The following SPAG16 variants were observed in gnomAD, a reference collection of about 807,000 sequenced individuals.
The protein encoded by SPAG16 is sperm associated antigen 16, also known as sperm-associated antigen 16 protein.
A neutral mutation model predicts 80.4 loss-of-function variants in SPAG16; 86 were observed. The observed-to-expected ratio is 1.07, with a 90% confidence interval of 0.90 to 1.28. The LOEUF is 1.28. SPAG16 is among the 50% of genes most tolerant of loss of function. The pLI is 0.00. For missense variants in SPAG16, 870 were observed against 765.3 expected (o/e 1.14, Z -1.61); for synonymous variants, 294 against 265.9 (o/e 1.11, Z -1.03).
chr2:213,739,113 A>G (rs1032001349), intron 10 of SPAG16, among the ~76,000 whole-genome samples: 2 of 152,216 alleles, frequency 1.3e-5, no homozygotes, highest in African/African-American at 4.8e-5. Flanking sequence ...TTGCTCATCT[A>G]ATATTTGCTC....
intron 12 of SPAG16, among the ~76,000 whole-genome samples, chr2:214,003,713 T>C (rs2046899959): frequency 6.6e-6 from 1 of 152,230 alleles, no homozygotes; most frequent in Admixed American, 6.5e-5. Flanking sequence ...ACCTGCATTG[T>C]TTTGTGTATG....
intron 15 of SPAG16, among the ~76,000 whole-genome samples, chr2:214,271,852 CAA>C (rs145432073): frequency 3.6e-5 from 5 of 140,636 alleles, no homozygotes; most frequent in East Asian, 2.3e-4. Flanking sequence ...ACCCCCCCCC[CAA>C]AAAAAAAGAA....
intron 15 of SPAG16, among the ~76,000 whole-genome samples, chr2:214,383,846 A>G (rs1700600410): frequency 6.6e-6 from 1 of 152,194 alleles, no homozygotes; most frequent in African/African-American, 2.4e-5. Context: ...TGGCTATTGT[A>G]TACATTATTG....
chr2:213,377,317 G>A lies in SPAG16; in HGVS notation c.942+2198G>A, dbSNP rs996230558. Among the ~76,000 whole-genome samples the A allele has an allele frequency of 4.6e-5, 7 of 152,300 alleles. No individual in the cohort carries two copies. The South Asian group carries it at 1.2e-3, about 27-fold the overall frequency. ...TTTTGAACAACTAGAACAGTGAGGT[G>A]TAATCATAATAACAACTTTATTTAT... On this transcript the variant is annotated intron_variant, in intron 9 of 15. Transcript: ENST00000331683.
chr2:213,300,170 G>A (rs1236196423), intron 3 of SPAG16, among the ~76,000 whole-genome samples: 2 of 152,020 alleles, frequency 1.3e-5, no homozygotes, highest in African/African-American at 4.8e-5. Flanking sequence ...CTTTAAATAT[G>A]ACAGTAGCAA....
chr2:213,301,640 TG>T (rs1490544337), intron 3 of SPAG16, among the ~76,000 whole-genome samples: 1 of 152,158 alleles, frequency 6.6e-6, no homozygotes, highest in Non-Finnish European at 1.5e-5. Context: ...AGCTACAGCA[TG>T]CTGCTGGTAC....
chr2:213,425,288 C>T (rs550616776), intron 9 of SPAG16, among the ~76,000 whole-genome samples: 1 of 151,836 alleles, frequency 6.6e-6, no homozygotes, highest in South Asian at 2.1e-4. Context: ...CCACTGCACT[C>T]CAATCTGGGT....
At chr2:213,677,982 C>T (rs1227243706) in intron 10 of SPAG16, among the ~76,000 whole-genome samples, 1 of 149,972 alleles carries the variant, frequency 6.7e-6, no homozygotes, top group Non-Finnish European at 1.5e-5. Flanking sequence ...AACCGCTCAA[C>T]TACATGGAAA....
At chr2:214,244,028 T>C (rs562581468) in intron 15 of SPAG16, among the ~76,000 whole-genome samples, 3 of 152,228 alleles carry the variant, frequency 2.0e-5, no homozygotes, top group African/African-American at 4.8e-5. Context: ...TATAAATTCT[T>C]ATATAAGTAA....
chr2:213,338,922 C>T (rs906440997), intron 5 of SPAG16, among the ~76,000 whole-genome samples: 7 of 151,710 alleles, frequency 4.6e-5, no homozygotes, highest in Admixed American at 4.6e-4. Flanking sequence ...ACGTATGCTG[C>T]GCTTAATAGC....
chr2:214,192,007 A>G (rs2057682489), intron 15 of SPAG16, among the ~76,000 whole-genome samples: 1 of 152,032 alleles, frequency 6.6e-6, no homozygotes, highest in South Asian at 2.1e-4. Flanking sequence ...CAGGACTAGG[A>G]CAAAAGAATG....
At chr2:213,321,572 G>T (rs1046392355) in intron 5 of SPAG16, among the ~76,000 whole-genome samples, 1 of 151,948 alleles carries the variant, frequency 6.6e-6, no homozygotes, top group Non-Finnish European at 1.5e-5. Context: ...ATTCAGCAAC[G>T]ATGAAGTATG....
intron 15 of SPAG16, among the ~76,000 whole-genome samples, chr2:214,249,847 A>T (rs982362038): frequency 6.6e-6 from 1 of 152,202 alleles, no homozygotes; most frequent in Non-Finnish European, 1.5e-5. Context: ...TATATTAGTT[A>T]GAAGAAGACT....
intron 13 of SPAG16, among the ~76,000 whole-genome samples, chr2:214,023,343 T>G (rs1444465328): frequency 6.6e-6 from 1 of 151,768 alleles, no homozygotes; most frequent in Non-Finnish European, 1.5e-5. Context: ...CTGGTTTGGC[T>G]TTCACATCTT....
At chr2:213,891,577 A>C (rs1369561983) in intron 11 of SPAG16, among the ~76,000 whole-genome samples, 2 of 152,142 alleles carry the variant, frequency 1.3e-5, no homozygotes, top group Non-Finnish European at 2.9e-5. Context: ...GATTAAAAGC[A>C]ATACAATCAT....
At chr2:213,757,295 G>C (rs1228534525) in intron 10 of SPAG16, among the ~76,000 whole-genome samples, 2 of 151,246 alleles carry the variant, frequency 1.3e-5, no homozygotes, top group Non-Finnish European at 2.9e-5. Flanking sequence ...CTATCCACAG[G>C]TTAAATACCA....
At chr2:214,343,841 GCTTA>G (rs1180647976) in intron 15 of SPAG16, among the ~76,000 whole-genome samples, 2 of 151,996 alleles carry the variant, frequency 1.3e-5, no homozygotes, top group African/African-American at 2.4e-5. Context: ...TGAATATCTG[GCTTA>G]CTGAGTCTGG....
intron 10 of SPAG16, among the ~76,000 whole-genome samples, chr2:213,825,743 T>G (rs1481369346): frequency 6.7e-6 from 1 of 150,014 alleles, no homozygotes; most frequent in Admixed American, 6.6e-5. Flanking sequence ...TTGTTTCGTT[T>G]AGGTATCATG....
At chr2:213,460,907 A>G (rs2072321726) in intron 9 of SPAG16, among the ~76,000 whole-genome samples, 1 of 152,168 alleles carries the variant, frequency 6.6e-6, no homozygotes. Flanking sequence ...TAGGGAAATA[A>G]CATTCCTAAG....
Sources: gnomAD v4.1 joint callset for allele counts (sites outside exome capture counted in the v4.1 genomes callset) on GRCh38, gnomAD v4.1.1 for gene constraint, MANE v1.5 for transcripts, NCBI Gene and HGNC (gene_info 2026-07-23, HGNC 2026-07-21) for gene names.